The following POLR2F variants were observed in gnomAD, a reference collection of about 807,000 sequenced individuals.
POLR2F encodes RNA polymerase II, I and III subunit F, also known as DNA-directed RNA polymerases I, II, and III subunit RPABC2.
POLR2F carries 12 observed loss-of-function variants against 22.7 expected under a neutral mutation model. The observed-to-expected ratio is 0.53, with a 90% CI of 0.34 to 0.86. The LOEUF is 0.86. Among genes scored for constraint, POLR2F ranks in the 40% least tolerant of loss-of-function variants. POLR2F has a pLI of 0.02. For synonymous variants in POLR2F, 57 were observed against 66.0 expected (o/e 0.86, Z 0.66); for missense variants, 126 against 171.5 (o/e 0.73, Z 1.48).
At chr22:37,971,279 G>A (rs934721944), downstream of POLR2F, 8 of 471,064 alleles carry the variant, frequency 1.7e-5, no homozygotes, top group South Asian at 7.7e-5. Flanking sequence ...CATCAGCCTC[G>A]CAAACTTCAG....
At chr22:37,982,508 G>A (rs1296045094), upstream of POLR2F, among the ~76,000 whole-genome samples, 1 of 152,200 alleles carries the variant, frequency 6.6e-6, no homozygotes, top group East Asian at 1.9e-4. Flanking sequence ...TCCTAGAGGT[G>A]TGGGCTGGTC....
intron 3 of POLR2F, among the ~76,000 whole-genome samples, chr22:37,962,521 A>G (rs1156462765): frequency 6.6e-6 from 1 of 152,198 alleles, no homozygotes; most frequent in Non-Finnish European, 1.5e-5. Flanking sequence ...AGCCACACCC[A>G]GTGTGACAGC....
chr22:37,959,309 A>T (rs1931528106), intron 2 of POLR2F, 37 bp from the exon 3 acceptor site: 27 of 1,608,990 alleles, frequency 1.7e-5, no homozygotes, highest in Non-Finnish European at 2.0e-5. Flanking sequence ...CAAAAGTGCC[A>T]CCTGAGTCTT....
intron 1 of POLR2F, among the ~76,000 whole-genome samples, chr22:37,998,160 T>C (rs1330944882): frequency 6.6e-6 from 1 of 151,880 alleles, no homozygotes. Context: ...CCGCCTCTGG[T>C]CGATTGGGGG....
chr22:37,987,181 C>G (rs1388725704), intron 1 of POLR2F: 1 of 456,544 alleles, frequency 2.2e-6, no homozygotes, highest in African/African-American at 2.0e-5. Flanking sequence ...AGAGAGGGGT[C>G]TGCGGTCTGA....
chr22:38,027,515 CCTT>C (rs2085024923), downstream of POLR2F, among the ~76,000 whole-genome samples: 2 of 152,226 alleles, frequency 1.3e-5, no homozygotes, highest in African/African-American at 4.8e-5. Flanking sequence ...CCAGGCCATT[CCTT>C]CTGCCCGGAA....
intron 5 of POLR2F, chr22:38,040,788 T>G: frequency 1.7e-5 from 8 of 474,918 alleles, no homozygotes; most frequent in East Asian, 7.0e-5. Context: ...CTGGTGGGCA[T>G]GTTGTGATGG....
chr22:38,022,850 T>C (rs1302038218), intron 1 of POLR2F, among the ~76,000 whole-genome samples: 1 of 151,772 alleles, frequency 6.6e-6, no homozygotes. Flanking sequence ...CTGTCTCTAC[T>C]AAAAATACAA....
At chr22:37,990,594 C>G (rs1464825193) in intron 1 of POLR2F, among the ~76,000 whole-genome samples, 1 of 152,238 alleles carries the variant, frequency 6.6e-6, no homozygotes, top group Non-Finnish European at 1.5e-5. Flanking sequence ...CAGACCTTGG[C>G]TTTGAGGAGC....
At chr22:37,987,378 T>A in intron 1 of POLR2F, 1 of 439,776 alleles carries the variant, frequency 2.3e-6, no homozygotes, top group Non-Finnish European at 4.6e-6. Flanking sequence ...CTGATGACAC[T>A]GCCTGGCAGA....
Position 37,986,414 on chromosome 22 carries a change from G to T in POLR2F, c.120+102G>T, listed in dbSNP as rs760424538. The T allele has an allele frequency of 1.3e-6, 2 of 1,531,932 alleles. No homozygotes were observed. The highest frequency in any genetic ancestry group is 1.7e-6 in the Non-Finnish European group (2 of 1,145,168). The allele number at this position is 1,531,932 out of a possible 1,614,324, so 94.9% of individuals were successfully genotyped here. A position where few individuals can be genotyped will look rare whatever the true frequency, so the allele number is the denominator to read the frequency against. On this transcript the variant is annotated intron_variant, in intron 1 of 2. Coordinates refer to the POLR2F transcript ENST00000333418. The surrounding 1 kb of genome is among the most constrained non-coding windows in gnomAD (Gnocchi z 4.7). ...GTGACTGGCCTGAGACCCGCCTGGG[G>T]CAGGAGGGGTGGTTGTGGAAGGAAA... is the stretch of plus-strand genomic sequence containing the variant.
chr22:37,959,233 C>A, intron 2 of POLR2F, 113 bp from the exon 3 acceptor site: 1 of 1,008,150 alleles, frequency 9.9e-7, no homozygotes, highest in Non-Finnish European at 1.5e-6. Context: ...CCCTGGCATG[C>A]AGTAAGCATT....
chr22:38,030,070 G>A (rs138388738), downstream of POLR2F, among the ~76,000 whole-genome samples: 2 of 152,344 alleles, frequency 1.3e-5, no homozygotes, highest in African/African-American at 4.8e-5. Context: ...GCTCAAGCGT[G>A]GGGGCAGCAA....
At chr22:37,995,472 T>C (rs964984056) in intron 1 of POLR2F, among the ~76,000 whole-genome samples, 10 of 152,188 alleles carry the variant, frequency 6.6e-5, no homozygotes, top group African/African-American at 2.2e-4. Flanking sequence ...GACCCTCCAG[T>C]ACCAGCTGTT....
chr22:37,956,371 C>T (rs1475838380), intron 1 of POLR2F, among the ~76,000 whole-genome samples: 3 of 151,868 alleles, frequency 2.0e-5, no homozygotes, highest in Non-Finnish European at 4.4e-5. Flanking sequence ...CCCAGAGCCA[C>T]AATACAAAGC....
intron 1 of POLR2F, among the ~76,000 whole-genome samples, chr22:38,011,467 T>A (rs2084871312): frequency 6.6e-6 from 1 of 151,970 alleles, no homozygotes; most frequent in African/African-American, 2.4e-5. Flanking sequence ...TGGTTCTTTT[T>A]TTTTTTTTTT....
intron 1 of POLR2F, among the ~76,000 whole-genome samples, chr22:37,995,925 G>T (rs1022639403): frequency 1.3e-5 from 2 of 152,134 alleles, no homozygotes; most frequent in African/African-American, 4.8e-5. Context: ...CCTGAGCCTG[G>T]GAAGTTGAGT....
intron 5 of POLR2F, among the ~76,000 whole-genome samples, chr22:38,037,444 T>TTTC (rs1213412386): frequency 6.7e-6 from 1 of 149,926 alleles, no homozygotes; most frequent in East Asian, 2.0e-4. Context: ...CGGCTATTTT[T>TTTC]TTTTTTTTTT....
chr22:37,987,358 G>A (rs369414227), intron 1 of POLR2F: 1 of 451,748 alleles, frequency 2.2e-6, no homozygotes, highest in East Asian at 7.0e-5. Context: ...TCAGTCAAAC[G>A]TGAAGCCCAC....
Sources: gnomAD v4.1 joint callset for allele counts (sites outside exome capture counted in the v4.1 genomes callset) on GRCh38, gnomAD v4.1.1 for gene constraint, Gnocchi (gnomAD v3.1) non-coding constraint, MANE v1.5 for transcripts, NCBI Gene and HGNC (gene_info 2026-07-23, HGNC 2026-07-21) for gene names.